The following ELN variants were observed in gnomAD, a reference collection of about 807,000 sequenced individuals.
ELN encodes the protein elastin.
A neutral mutation model predicts 105.8 loss-of-function variants in ELN; 65 were observed. That is an observed-to-expected ratio of 0.61 (90% CI 0.50 to 0.75). The LOEUF is 0.75. Among genes scored for constraint, ELN ranks in the 30% least tolerant of loss-of-function variants. The pLI is 0.00. For synonymous variants in ELN, 368 were observed against 389.2 expected (o/e 0.95, Z 0.64); for missense variants, 882 against 969.4 (o/e 0.91, Z 1.20).
Position 74,043,204 on chromosome 7 carries a change from G to A in ELN, c.427+36G>A, listed in dbSNP as rs1462757697. ...AATCCCTGGGGCTGGAGGACAGAGGGCAGGGAGGGGCAGAGGGCAGGGAGG... is the reference window on the plus strand; with the variant it reads ...AATCCCTGGGGCTGGAGGACAGAGGACAGGGAGGGGCAGAGGGCAGGGAGG... On this transcript the variant is annotated intron_variant, in intron 8 of 32. Coordinates refer to ENST00000252034, the MANE Select transcript of ELN (RefSeq NM_000501.4). 7 of 1,561,686 alleles carry A rather than the reference G, an allele frequency of 4.5e-6. No homozygotes were observed. In the South Asian group the frequency reaches 7.0e-5, roughly 16 times the overall value.
chr7:74,039,429 C>A (rs1439162225), intron 4 of ELN, among the ~76,000 whole-genome samples: 1 of 152,236 alleles, frequency 6.6e-6, no homozygotes, highest in African/African-American at 2.4e-5. Flanking sequence ...GGGAGGCCCC[C>A]ACATCCGGGC....
In ELN at chr7:74,063,203, G is replaced by T; in HGVS notation, c.1837G>T (p.Gly613Cys). ...LGGLGALGGVGIPGGVVGAGP... is the reference protein window; with the variant it reads ...LGGLGALGGVCIPGGVVGAGP... ...AGGGCTCGGGGCTCTCGGTGGAGTA[G>T]GCATCCCAGGCGGTGTGGTGGGTGA... Residue 613 changes from glycine to cysteine, a missense_variant, in exon 27 of 33, where the codon GGC (glycine) becomes TGC (cysteine). Gly to Cys is a radical substitution (Grantham distance 159). Coordinates refer to ENST00000252034, the MANE Select transcript of ELN (RefSeq NM_000501.4). This position sits in a 1 kb window ranked among gnomAD's most constrained non-coding sequence, Gnocchi z 4.1. 6.2e-7 allele frequency: 1 copy of T among 1,608,782 alleles called. No individual in the cohort carries two copies. The highest frequency in any genetic ancestry group is 1.1e-5 in the South Asian group (1 of 89,162).
At chr7:74,057,332 A>C in intron 21 of ELN, 1 of 1,401,200 alleles carries the variant, frequency 7.1e-7, no homozygotes, top group Non-Finnish European at 9.3e-7. Flanking sequence ...TTGCTCCCCC[A>C]AAAAGTGAGT....
intron 12 of ELN, among the ~76,000 whole-genome samples, chr7:74,047,060 G>C (rs532643844): frequency 1.3e-5 from 2 of 151,938 alleles, no homozygotes; most frequent in Non-Finnish European, 2.9e-5. Flanking sequence ...CTCCAGCCTG[G>C]GTAACAGAGT....
rs544141377 is a variant in ELN, at chr7:74,066,793, G to T, written c.2131+17G>T. 6.2e-7 allele frequency: 1 copy of T among 1,612,710 alleles called. No homozygotes were observed. Among genetic ancestry groups the T allele is most frequent in the African/African-American group, 1.3e-5 (1 of 74,952 alleles). On this transcript the variant is annotated intron_variant, in intron 32 of 32. Coordinates refer to ENST00000252034, the MANE Select transcript of ELN (RefSeq NM_000501.4). ...TTTTCCCAGGTATGCCAGGCTCCCT[G>T]CCCCTGGGCCCTGCCCTGGAGCTGC...
chr7:74,059,086 TAA>T (rs74527092), intron 22 of ELN, among the ~76,000 whole-genome samples: 5 of 143,976 alleles, frequency 3.5e-5, no homozygotes, highest in African/African-American at 1.0e-4. Flanking sequence ...ATGCCCAGTT[TAA>T]AAAAAAAAAA....
chr7:74,044,002 T>A, intron 9 of ELN, 82 bp downstream of exon 9: 1 of 1,556,346 alleles, frequency 6.4e-7, no homozygotes, highest in Non-Finnish European at 8.8e-7. Flanking sequence ...TCCCATTGCT[T>A]TGGGAGACTG....
At chr7:74,053,961 G>A (rs781899674) in intron 18 of ELN, among the ~76,000 whole-genome samples, 2 of 151,852 alleles carry the variant, frequency 1.3e-5, no homozygotes, top group African/African-American at 2.4e-5. Flanking sequence ...TGAAAGAACG[G>A]GTGGATGAAT....
intron 32 of ELN, 50 bp from the exon 33 acceptor site, chr7:74,068,607 G>A (rs370726408): frequency 5.1e-5 from 83 of 1,612,540 alleles, no homozygotes; most frequent in Admixed American, 2.2e-4. Context: ...GATTAGAGCC[G>A]AAACTGAGAG....
At chr7:74,068,112 G>A (rs1436901421) in intron 32 of ELN, among the ~76,000 whole-genome samples, 2 of 152,132 alleles carry the variant, frequency 1.3e-5, no homozygotes, top group African/African-American at 2.4e-5. Context: ...CTGATGCCTT[G>A]AAACAGGGTT....
chr7:74,038,408 TC>T (rs1420699617), intron 4 of ELN, among the ~76,000 whole-genome samples: 2 of 152,024 alleles, frequency 1.3e-5, no homozygotes, highest in African/African-American at 2.4e-5. Flanking sequence ...CCGGATAAGC[TC>T]CCCTCCTAAT....
chr7:74,041,685 C>T (rs896816935), intron 5 of ELN, among the ~76,000 whole-genome samples: 2 of 151,806 alleles, frequency 1.3e-5, no homozygotes, highest in Admixed American at 6.6e-5. Flanking sequence ...CCAGCCTGGG[C>T]GACAGAGAAA....
At chr7:74,043,762 T>A in intron 8 of ELN, 117 bp from the exon 9 acceptor site, 1 of 1,367,928 alleles carries the variant, frequency 7.3e-7, no homozygotes, top group Non-Finnish European at 1.0e-6. Flanking sequence ...TGGCTGCCCC[T>A]GTCGGGCACA....
chr7:74,052,055 G>C, intron 17 of ELN, 72 bp downstream of exon 17: 1 of 1,576,988 alleles, frequency 6.3e-7, no homozygotes, highest in East Asian at 2.2e-5. Context: ...TAGCCGCAAA[G>C]CCAGATGGAC....
intron 26 of ELN, among the ~76,000 whole-genome samples, chr7:74,061,529 G>A (rs1444188161): frequency 1.3e-5 from 2 of 152,124 alleles, no homozygotes; most frequent in Non-Finnish European, 2.9e-5. Context: ...GCGGGCACCT[G>A]TAATCCCAGC....
intron 1 of ELN, among the ~76,000 whole-genome samples, chr7:74,030,009 T>C (rs1788312585): frequency 6.6e-6 from 1 of 152,200 alleles, no homozygotes; most frequent in Non-Finnish European, 1.5e-5. Flanking sequence ...AAAGCAGGCA[T>C]GCCCTAGGCA....
intron 30 of ELN, 41 bp downstream of exon 30, chr7:74,065,773 C>T (rs782272121): frequency 1.9e-6 from 3 of 1,613,768 alleles, no homozygotes; most frequent in Non-Finnish European, 2.5e-6. Flanking sequence ...TGGCCTGCAC[C>T]CCCTGCCATG....
rs150278129 is a variant in ELN, at chr7:74,037,881, C to T, written c.196+142C>T. On this transcript the variant is annotated intron_variant, in intron 4 of 32. Transcript: ENST00000252034. ...GGAGGAAGGAGGGAGGTGTGGACACCGATTAGCCTCCCAAGGATGAGTAGG... is the reference window on the plus strand; with the variant it reads ...GGAGGAAGGAGGGAGGTGTGGACACTGATTAGCCTCCCAAGGATGAGTAGG... 657 of 1,258,496 alleles carry T rather than the reference C, an allele frequency of 5.2e-4. 2 individuals are homozygous for T. The African/African-American group carries it at 7.3e-3, about 14-fold the overall frequency. The allele number at this position is 1,258,496 out of a possible 1,614,324, so 78.0% of individuals were successfully genotyped here.
At chr7:74,032,316 C>T (rs1194391281) in intron 1 of ELN, among the ~76,000 whole-genome samples, 6 of 152,124 alleles carry the variant, frequency 3.9e-5, no homozygotes, top group Admixed American at 2.0e-4. Flanking sequence ...GAAAGGCAGG[C>T]GGGAGAGTCT....
Sources: allele counts gnomAD v4.1 joint callset (sites outside exome capture counted in the v4.1 genomes callset), GRCh38; gene constraint gnomAD v4.1.1; non-coding constraint Gnocchi (gnomAD v3.1); transcripts MANE v1.5; gene names NCBI Gene and HGNC (gene_info 2026-07-23, HGNC 2026-07-21).